ROBO2: variants seen among roughly 807,000 people sequenced by gnomAD.
ROBO2 encodes roundabout guidance receptor 2, also known as roundabout homolog 2.
Under a neutral mutation model 160.8 loss-of-function variants are expected in ROBO2, and 53 were observed. That is an observed-to-expected ratio of 0.33 (90% CI 0.26 to 0.41). The LOEUF (loss-of-function observed/expected upper bound fraction) is 0.41, where lower values mean the gene tolerates loss of function less well. Ranked by LOEUF, ROBO2 falls within the 10% of genes least tolerant of loss-of-function variation. The pLI, the probability that ROBO2 is intolerant of heterozygous loss-of-function variation, is 1.00. For missense variants in ROBO2, 1,577 were observed against 1,722.4 expected (o/e 0.92, Z 1.49); for synonymous variants, 664 against 611.7 (o/e 1.09, Z -1.26).
At chr3:75,920,616 T>A (rs1026498639) in intron 1 of ROBO2, among the ~76,000 whole-genome samples, 1 of 152,164 alleles carries the variant, frequency 6.6e-6, no homozygotes, top group South Asian at 2.1e-4. Flanking sequence ...CTGTCTAATA[T>A]TGATAGTGGG....
intron 2 of ROBO2, among the ~76,000 whole-genome samples, chr3:76,284,162 C>T (rs1708390286): frequency 6.6e-6 from 1 of 151,912 alleles, no homozygotes; most frequent in Non-Finnish European, 1.5e-5. Flanking sequence ...TATTTAGATA[C>T]TTTCAATTAT....
At chr3:77,237,375 T>C (rs936716862) in intron 2 of ROBO2, among the ~76,000 whole-genome samples, 19 of 150,548 alleles carry the variant, frequency 1.3e-4, no homozygotes, top group African/African-American at 4.4e-4. Context: ...TTTCTTTTCT[T>C]TTTTTTTCTT....
intron 2 of ROBO2, among the ~76,000 whole-genome samples, chr3:76,775,308 T>C (rs887996724): frequency 6.6e-6 from 1 of 150,728 alleles, no homozygotes; most frequent in Admixed American, 6.6e-5. Flanking sequence ...GAAAGAAATA[T>C]TATTGATTTC....
At chr3:76,782,652 A>C (rs945349645) in intron 2 of ROBO2, among the ~76,000 whole-genome samples, 4 of 150,692 alleles carry the variant, frequency 2.7e-5, no homozygotes, top group African/African-American at 7.3e-5. Context: ...CCCATTTTAC[A>C]GTTTTTGACT....
chr3:77,219,434 G>GTGTATATATA (rs1553852643), intron 2 of ROBO2, among the ~76,000 whole-genome samples: 21 of 115,254 alleles, frequency 1.8e-4, no homozygotes, highest in African/African-American at 4.4e-4. Context: ...GTATGTGTGT[G>GTGTATATATA]TATATATATA....
intron 2 of ROBO2, among the ~76,000 whole-genome samples, chr3:76,922,020 A>G (rs1052077565): frequency 3.9e-5 from 6 of 152,090 alleles, no homozygotes; most frequent in African/African-American, 9.7e-5. Context: ...TTGAGTCACA[A>G]AAAAATCAAG....
chr3:77,105,349 T>A (rs79370869), intron 2 of ROBO2, among the ~76,000 whole-genome samples: 3 of 152,238 alleles, frequency 2.0e-5, no homozygotes, highest in Non-Finnish European at 1.5e-5. Flanking sequence ...TTTCGTTTTT[T>A]GTAATTTTCT....
At chr3:76,082,046 A>G (rs768475254) in intron 2 of ROBO2, among the ~76,000 whole-genome samples, 3 of 152,122 alleles carry the variant, frequency 2.0e-5, no homozygotes, top group Non-Finnish European at 4.4e-5. Flanking sequence ...ACTCCAAGCT[A>G]CTTGATTGAT....
intron 2 of ROBO2, among the ~76,000 whole-genome samples, chr3:76,272,001 T>A (rs1050041080): frequency 6.6e-6 from 1 of 152,172 alleles, no homozygotes; most frequent in African/African-American, 2.4e-5. Flanking sequence ...AAAATTAGAA[T>A]GTGCTTCATA....
chr3:76,754,476 T>G (rs2060855515), intron 2 of ROBO2, among the ~76,000 whole-genome samples: 1 of 151,900 alleles, frequency 6.6e-6, no homozygotes, highest in South Asian at 2.1e-4. Context: ...CTCTTCTGTG[T>G]TTTATTTATG....
At chr3:77,323,340 C>T (rs546301268) in intron 2 of ROBO2, among the ~76,000 whole-genome samples, 51 of 151,904 alleles carry the variant, frequency 3.4e-4, no homozygotes, top group African/African-American at 1.2e-3. Flanking sequence ...TTCATACTTG[C>T]TCTCCTGAGT....
chr3:76,757,183 G>T (rs2061024111), intron 2 of ROBO2, among the ~76,000 whole-genome samples: 1 of 151,766 alleles, frequency 6.6e-6, no homozygotes. Flanking sequence ...GGAGATAGAG[G>T]TTATATTTAA....
intron 2 of ROBO2, among the ~76,000 whole-genome samples, chr3:75,982,691 G>A (rs2065311221): frequency 6.6e-6 from 1 of 151,480 alleles, no homozygotes; most frequent in African/African-American, 2.4e-5. Context: ...AATCACTGCT[G>A]TTGTGTTCTT....
At chr3:76,247,917 A>C (rs367790176) in intron 2 of ROBO2, among the ~76,000 whole-genome samples, 2 of 151,894 alleles carry the variant, frequency 1.3e-5, no homozygotes, top group South Asian at 2.1e-4. Flanking sequence ...CCATCAGAGA[A>C]ATGCAAATCA....
intron 1 of ROBO2, among the ~76,000 whole-genome samples, chr3:77,086,147 G>A (rs557699700): frequency 4.6e-5 from 7 of 152,120 alleles, no homozygotes; most frequent in South Asian, 2.1e-4. Context: ...TAAAAAGGCC[G>A]TTATCTTATA....
intron 2 of ROBO2, among the ~76,000 whole-genome samples, chr3:76,948,711 A>G (rs1357586077): frequency 7.1e-6 from 1 of 140,072 alleles, no homozygotes; most frequent in African/African-American, 2.6e-5. Flanking sequence ...ATTATAATTT[A>G]ATTTTTTTTT....
chr3:76,167,793 C>T (rs1419872669), intron 2 of ROBO2, among the ~76,000 whole-genome samples: 3 of 152,074 alleles, frequency 2.0e-5, no homozygotes, highest in Non-Finnish European at 4.4e-5. Context: ...TGCTTAATAA[C>T]AGTAGATTTG....
intron 2 of ROBO2, among the ~76,000 whole-genome samples, chr3:77,404,753 T>TA (rs1172661549): frequency 6.6e-6 from 1 of 152,204 alleles, no homozygotes; most frequent in Non-Finnish European, 1.5e-5. Flanking sequence ...TTGTTATAAT[T>TA]ACGTTTGTTA....
intron 2 of ROBO2, among the ~76,000 whole-genome samples, chr3:77,434,661 G>C (rs1244334039): frequency 2.0e-5 from 3 of 152,052 alleles, no homozygotes; most frequent in Non-Finnish European, 4.4e-5. Flanking sequence ...GTGCTTATTT[G>C]CTCTCCTGGT....
Sources: allele counts gnomAD v4.1 joint callset (sites outside exome capture counted in the v4.1 genomes callset), GRCh38; gene constraint gnomAD v4.1.1; transcripts MANE v1.5; gene names NCBI Gene and HGNC (gene_info 2026-07-23, HGNC 2026-07-21).